Variants in SLCO5A1 observed in about 807,000 individuals in gnomAD.
SLCO5A1 encodes solute carrier organic anion transporter family member 5A1.
A neutral mutation model predicts 65.1 loss-of-function variants in SLCO5A1; 39 were observed. The observed-to-expected ratio is 0.60, with a 90% CI of 0.46 to 0.78. The LOEUF is 0.78. SLCO5A1 is among the 30% of genes least tolerant of loss of function. SLCO5A1 has a pLI of 0.00. For missense variants in SLCO5A1, 1,029 were observed against 1,069.4 expected, an observed-to-expected ratio of 0.96 and a Z score of 0.53; for synonymous variants, 438 against 415.7, an observed-to-expected ratio of 1.05 and a Z score of -0.65.
At chr8:69,809,707 A>T (rs1321050510) in intron 2 of SLCO5A1, among the ~76,000 whole-genome samples, 3 of 151,804 alleles carry the variant, frequency 2.0e-5, no homozygotes, top group East Asian at 1.9e-4. Flanking sequence ...CATGTATGGA[A>T]ATACAGCTAC....
chr8:69,785,385 A>G (rs1169780287), intron 2 of SLCO5A1, among the ~76,000 whole-genome samples: 2 of 152,242 alleles, frequency 1.3e-5, no homozygotes, highest in Non-Finnish European at 2.9e-5. Context: ...TTAAAATCAT[A>G]TCTCAATAAA....
intron 2 of SLCO5A1, among the ~76,000 whole-genome samples, chr8:69,778,927 A>G (rs1345979367): frequency 6.6e-6 from 1 of 152,206 alleles, no homozygotes; most frequent in Non-Finnish European, 1.5e-5. Flanking sequence ...GACTTCTTAT[A>G]GGCCAAACTA....
At chr8:69,727,199 G>T (rs1163148238) in intron 5 of SLCO5A1, among the ~76,000 whole-genome samples, 1 of 152,122 alleles carries the variant, frequency 6.6e-6, no homozygotes, top group Non-Finnish European at 1.5e-5. Flanking sequence ...ATAAATAGTT[G>T]TGCATGGATG....
rs371210780 is a variant in SLCO5A1 at position 69,765,386 on chromosome 8, T to TTATA, written c.908-3515_908-3512dup. 1.5e-3 allele frequency among the ~76,000 whole-genome samples: 230 copies of TTATA among 149,136 alleles called. 1 individual carries two copies. Among genetic ancestry groups the TTATA allele is most frequent in the Middle Eastern group, 0.01 (3 of 288 alleles). Reference sequence around the variant, plus strand: ...TATGTATATTACTCTGTATGAGTATTTATATATATATATATACACACACAC... The same window carrying TTATA: ...TATGTATATTACTCTGTATGAGTATTTATATATATATATATATATACACACACAC... On this transcript the variant is annotated intron_variant, in intron 2 of 9. Transcript: ENST00000260126.
chr8:69,755,830 T>G (rs188209360), intron 3 of SLCO5A1, among the ~76,000 whole-genome samples, 189 bp from the exon 4 acceptor site: 140 of 152,338 alleles, frequency 9.2e-4, no homozygotes, highest in South Asian at 2.1e-3. Flanking sequence ...AAATGAGAAA[T>G]CTACTCAATA....
chr8:69,752,589 T>G (rs1275402750), intron 4 of SLCO5A1, among the ~76,000 whole-genome samples: 3 of 152,224 alleles, frequency 2.0e-5, no homozygotes, highest in Non-Finnish European at 4.4e-5. Context: ...ATGAATTAAT[T>G]TTAAATATTC....
At chr8:69,722,771 T>C (rs891444113) in intron 5 of SLCO5A1, among the ~76,000 whole-genome samples, 8 of 121,908 alleles carry the variant, frequency 6.6e-5, no homozygotes, top group African/African-American at 2.3e-4. Context: ...TGTTAACACA[T>C]GCATGGTGTG....
intron 2 of SLCO5A1, among the ~76,000 whole-genome samples, chr8:69,772,202 T>C (rs957447808): frequency 6.6e-6 from 1 of 152,102 alleles, no homozygotes; most frequent in African/African-American, 2.4e-5. Context: ...ACAATCTATA[T>C]TGAATAATTC....
rs917780425 is a variant in SLCO5A1 at position 69,832,826 on chromosome 8, C to G, written c.-153G>C. 31 of 834,680 alleles carry G rather than the reference C, an allele frequency of 3.7e-5. No homozygotes were observed. The highest frequency in any genetic ancestry group is 5.1e-5 in the Non-Finnish European group (28 of 551,434). 51.7% of individuals were successfully genotyped at this position (834,680 alleles called of 1,614,324 possible). A position where few individuals can be genotyped will look rare whatever the true frequency, so the allele number is the denominator to read the frequency against. On this transcript the variant is annotated 5_prime_UTR_variant, in exon 2 of 10. Transcript: ENST00000260126. The surrounding 1 kb of genome is among the most constrained non-coding windows in gnomAD (Gnocchi z 4.5). Reference sequence around the variant, plus strand: ...GGGCCGCGCAGCAGGGCATCCTCACCAGCTGCGAGGCGCCCAGTGCATCCT... The same window carrying G: ...GGGCCGCGCAGCAGGGCATCCTCACGAGCTGCGAGGCGCCCAGTGCATCCT...
At chr8:69,732,875 G>A (rs956742893) in intron 5 of SLCO5A1, among the ~76,000 whole-genome samples, 2 of 151,540 alleles carry the variant, frequency 1.3e-5, no homozygotes, top group Non-Finnish European at 2.9e-5. Context: ...GCGACAGAGC[G>A]AGACTCCGTC....
chr8:69,725,391 C>G (rs985247975), intron 5 of SLCO5A1, among the ~76,000 whole-genome samples: 20 of 152,056 alleles, frequency 1.3e-4, no homozygotes, highest in Non-Finnish European at 2.5e-4. Context: ...AAAGTACCCC[C>G]AGAAAGGCAA....
chr8:69,793,761 G>C (rs997399497), intron 2 of SLCO5A1, among the ~76,000 whole-genome samples: 1 of 150,080 alleles, frequency 6.7e-6, no homozygotes, highest in Non-Finnish European at 1.5e-5. Context: ...CTGGGTGACA[G>C]AGTGAGACTC....
intron 2 of SLCO5A1, among the ~76,000 whole-genome samples, chr8:69,791,537 T>A (rs1203279544): frequency 6.6e-6 from 1 of 152,214 alleles, no homozygotes; most frequent in African/African-American, 2.4e-5. Flanking sequence ...TTTAAAAATA[T>A]CTGAGATGTA....
At position 69,705,349 on chromosome 8, in the gene SLCO5A1, C is replaced by A. The variant is rs973803036; in HGVS notation, c.1424-120G>T. The A allele has an allele frequency of 1.2e-5, 9 of 765,892 alleles. No individual in the cohort carries two copies. In the Admixed American group the frequency reaches 1.6e-4, roughly 14 times the overall value. The allele number at this position is 765,892 out of a possible 1,614,324, so 47.4% of individuals were successfully genotyped here. A position where few individuals can be genotyped will look rare whatever the true frequency, so the allele number is the denominator to read the frequency against. On this transcript the variant is annotated intron_variant, in intron 5 of 9. Transcript: ENST00000260126. ...AAATCAAAAGTTACTATAATCAATA[C>A]ATCTTCATTGTGTGTGATTTTATAG...
chr8:69,672,904 C>G lies in SLCO5A1; in HGVS notation c.2512G>C (p.Glu838Gln), dbSNP rs552931986. 1.9e-6 allele frequency: 3 copies of G among 1,613,630 alleles called. No homozygotes were observed. The highest frequency in any genetic ancestry group is 2.5e-6 in the Non-Finnish European group (3 of 1,179,514). ...AISSSADPGL[E>Q]ESPAALEPPS is the part of the protein sequence containing the mutation. ...GGCTCCAAGGCAGCGGGGCTCTCTT[C>G]CAGCCCCGGGTCCGCAGAGGAACTT... The change falls in exon 10 of 10, where the codon GAA becomes CAA. Residue 838 changes from glutamate to glutamine, a missense_variant. Transcript: ENST00000260126.
intron 3 of SLCO5A1, among the ~76,000 whole-genome samples, chr8:69,759,930 AG>A (rs1301493820): frequency 6.6e-6 from 1 of 152,216 alleles, no homozygotes; most frequent in Non-Finnish European, 1.5e-5. Context: ...TACAGGCATG[AG>A]CCACCTTACC....
intron 2 of SLCO5A1, among the ~76,000 whole-genome samples, chr8:69,795,105 A>G (rs767752812): frequency 3.3e-5 from 5 of 152,186 alleles, no homozygotes; most frequent in Admixed American, 6.5e-5. Context: ...ACAATTTGAC[A>G]TGAGATTTGG....
Position 69,704,995 on chromosome 8 carries a change from C to T in SLCO5A1, c.1622+36G>A, listed in dbSNP as rs1814905223. Reference sequence around the variant, plus strand: ...ACACCACAGGGCTTTGCACCTCCATCGTGCAGACACGACACGGCTCTTAAG... The same window carrying T: ...ACACCACAGGGCTTTGCACCTCCATTGTGCAGACACGACACGGCTCTTAAG... On this transcript the variant is annotated intron_variant, in intron 6 of 9. Coordinates refer to ENST00000260126, the MANE Select transcript of SLCO5A1 (RefSeq NM_030958.3). 3.2e-6 allele frequency: 5 copies of T among 1,582,850 alleles called. No homozygotes were observed. In the South Asian group the frequency reaches 3.3e-5, roughly 10 times the overall value.
chr8:69,691,744 A>C (rs1377109699), intron 6 of SLCO5A1, among the ~76,000 whole-genome samples: 6 of 152,246 alleles, frequency 3.9e-5, no homozygotes, highest in Admixed American at 1.3e-4. Flanking sequence ...TGAGAAATGC[A>C]TCATCAGGTG....
Sources: gnomAD v4.1 joint callset for allele counts (sites outside exome capture counted in the v4.1 genomes callset) on GRCh38, gnomAD v4.1.1 for gene constraint, Gnocchi (gnomAD v3.1) non-coding constraint, MANE v1.5 for transcripts, NCBI Gene and HGNC (gene_info 2026-07-23, HGNC 2026-07-21) for gene names.